The following TUT4 variants were observed in gnomAD, a reference collection of about 807,000 sequenced individuals.
TUT4 encodes the protein terminal uridylyl transferase 4, also known as terminal uridylyltransferase 4.
TUT4 carries 36 observed loss-of-function variants against 192.2 expected under a neutral mutation model. The ratio of observed to expected loss-of-function variants is 0.19; its 90% CI spans 0.14 to 0.25. The LOEUF is 0.25. Ranked by LOEUF, TUT4 falls within the 10% of genes least tolerant of loss-of-function variation. The pLI is 1.00. For synonymous variants in TUT4, 618 were observed against 666.0 expected (o/e 0.93, Z 1.11); for missense variants, 1,493 against 1,957.2 (o/e 0.76, Z 4.47).
intron 1 of TUT4, among the ~76,000 whole-genome samples, chr1:52,528,178 C>CAAAAAAAAAAA (rs1557967335): frequency 7.0e-6 from 1 of 143,372 alleles, no homozygotes; most frequent in African/African-American, 2.6e-5. Context: ...GACTCCATCT[C>CAAAAAAAAAAA]GAAAAAAATA....
intron 26 of TUT4, among the ~76,000 whole-genome samples, chr1:52,436,358 C>A (rs1421647223): frequency 6.6e-6 from 1 of 151,962 alleles, no homozygotes; most frequent in Non-Finnish European, 1.5e-5. Flanking sequence ...TGGTGGCATG[C>A]GCCTGTAATC....
chr1:52,528,489 T>TC (rs1553225213), intron 1 of TUT4, among the ~76,000 whole-genome samples: 1 of 116,596 alleles, frequency 8.6e-6, no homozygotes, highest in African/African-American at 3.9e-5. Context: ...AGACCCTGTC[T>TC]CAAAAAAAAA....
chr1:52,473,666 C>A (rs527411901), intron 13 of TUT4, among the ~76,000 whole-genome samples: 2 of 152,012 alleles, frequency 1.3e-5, no homozygotes, highest in African/African-American at 4.8e-5. Context: ...TACGATAAAA[C>A]AATAAGCCTG....
chr1:52,487,324 G>A (rs887962676), intron 9 of TUT4, among the ~76,000 whole-genome samples: 4 of 151,740 alleles, frequency 2.6e-5, no homozygotes, highest in African/African-American at 9.7e-5. Context: ...GTTGGTACAC[G>A]CCTGTGGTCC....
chr1:52,458,593 A>G (rs940806308), intron 19 of TUT4, 144 bp from the exon 20 acceptor site: 4 of 537,992 alleles, frequency 7.4e-6, no homozygotes, highest in African/African-American at 5.8e-5. Flanking sequence ...TATAATCCCA[A>G]CACTCTGGGA....
chr1:52,435,203 A>G (rs1653372359), intron 27 of TUT4, 162 bp downstream of exon 27: 1 of 455,960 alleles, frequency 2.2e-6, no homozygotes. Context: ...ATTATTCCAA[A>G]AGGAATGCTC....
intron 2 of TUT4, among the ~76,000 whole-genome samples, chr1:52,521,620 G>A (rs183496577): frequency 7.3e-5 from 11 of 151,500 alleles, no homozygotes; most frequent in Non-Finnish European, 1.2e-4. Context: ...AGCTGTGATC[G>A]CGCCACTGCA....
chr1:52,523,167 AT>A (rs1486536438), intron 2 of TUT4, among the ~76,000 whole-genome samples: 1 of 151,200 alleles, frequency 6.6e-6, no homozygotes, highest in Non-Finnish European at 1.5e-5. Flanking sequence ...TGATTTTTCT[AT>A]TTTTAGTAGA....
At chr1:52,498,329 C>CG (rs376114367) in intron 4 of TUT4, among the ~76,000 whole-genome samples, 1 of 129,012 alleles carries the variant, frequency 7.8e-6, no homozygotes, top group Non-Finnish European at 1.7e-5. Flanking sequence ...GCAGGCTCCG[C>CG]CCCCCCGGGG....
chr1:52,475,637 A>C (rs748097032), intron 12 of TUT4, 102 bp from the exon 13 acceptor site: 1 of 1,140,110 alleles, frequency 8.8e-7, no homozygotes, highest in East Asian at 2.6e-5. Context: ...AGGAGAATAC[A>C]TTTTCCCAAG....
intron 20 of TUT4, among the ~76,000 whole-genome samples, chr1:52,456,411 C>CAAAAAAAA (rs1157223640): frequency 3.3e-4 from 4 of 12,000 alleles, no homozygotes; most frequent in East Asian, 2.4e-3. Flanking sequence ...GACTGTGTCT[C>CAAAAAAAA]AAAAAAAAAA....
At chr1:52,474,513 G>GA (rs906773574) in intron 13 of TUT4, among the ~76,000 whole-genome samples, 52 of 151,804 alleles carry the variant, frequency 3.4e-4, no homozygotes, top group Non-Finnish European at 7.4e-4. Flanking sequence ...TTTTGTTGGG[G>GA]AAAAAAATAC....
intron 6 of TUT4, among the ~76,000 whole-genome samples, chr1:52,494,733 AT>A (rs1298179782): frequency 2.0e-5 from 3 of 152,206 alleles, no homozygotes; most frequent in Non-Finnish European, 4.4e-5. Flanking sequence ...TACATTAATT[AT>A]AAAGTAAATG....
At chr1:52,540,205 CG>C (rs1686163722) in intron 1 of TUT4, among the ~76,000 whole-genome samples, 1 of 134,886 alleles carries the variant, frequency 7.4e-6, no homozygotes, top group Non-Finnish European at 1.6e-5. Context: ...GGTGACAGAG[CG>C]AGACTCTGTC....
At chr1:52,493,333 T>C (rs942311421) in intron 7 of TUT4, among the ~76,000 whole-genome samples, 1 of 152,102 alleles carries the variant, frequency 6.6e-6, no homozygotes, top group Non-Finnish European at 1.5e-5. Flanking sequence ...TCCACCCATC[T>C]CAGCCTCCCA....
At chr1:52,524,782 A>G (rs567571157) in intron 2 of TUT4, among the ~76,000 whole-genome samples, 19 of 152,302 alleles carry the variant, frequency 1.2e-4, no homozygotes, top group Non-Finnish European at 2.6e-4. Context: ...CAGCCTGGGC[A>G]ACACAGTAAG....
chr1:52,427,114 C>A (rs564930429), intron 28 of TUT4, among the ~76,000 whole-genome samples: 28 of 151,934 alleles, frequency 1.8e-4, no homozygotes, highest in Non-Finnish European at 3.4e-4. Flanking sequence ...AAATGACAGA[C>A]AAAAAACAAT....
intron 1 of TUT4, among the ~76,000 whole-genome samples, chr1:52,544,098 G>A (rs568074053): frequency 5.3e-5 from 8 of 151,672 alleles, no homozygotes; most frequent in South Asian, 2.1e-4. Flanking sequence ...CCATCCTGGC[G>A]AACATGGTGA....
intron 19 of TUT4, among the ~76,000 whole-genome samples, chr1:52,459,623 C>T (rs912067996): frequency 2.1e-4 from 32 of 151,954 alleles, no homozygotes; most frequent in Middle Eastern, 3.2e-3. Flanking sequence ...TGGTGGCTCA[C>T]GCCTCTAATC....
Sources: gnomAD v4.1 joint callset for allele counts (sites outside exome capture counted in the v4.1 genomes callset) on GRCh38, gnomAD v4.1.1 for gene constraint, MANE v1.5 for transcripts, NCBI Gene and HGNC (gene_info 2026-07-23, HGNC 2026-07-21) for gene names.